Variants in USP26 observed in about 807,000 individuals in gnomAD.
USP26 encodes ubiquitin carboxyl-terminal hydrolase 26.
For synonymous variants in USP26, 236 were observed against 240.6 expected (o/e 0.98, Z 0.18); for missense variants, 649 against 642.3 (o/e 1.01, Z -0.11).
intron 5 of USP26, among the ~76,000 whole-genome samples, chrX:133,044,741 C>T (rs2067432690): frequency 8.8e-6 from 1 of 113,282 alleles, no homozygotes; most frequent in African/African-American, 3.2e-5. Flanking sequence ...GTCCCATCGA[C>T]CACCCAAGGG....
intron 5 of USP26, among the ~76,000 whole-genome samples, chrX:133,056,477 T>C (rs1416253499): frequency 8.9e-6 from 1 of 111,765 alleles, no homozygotes; most frequent in African/African-American, 3.3e-5. Flanking sequence ...GGGATTTCTC[T>C]TTGTTAGAAG....
Position 133,028,199 on chromosome X carries a change from C to T in USP26, c.22G>A (p.Gly8Ser). The change falls in exon 6 of 6, where the codon GGT (glycine) becomes AGT (serine). Residue 8 changes from glycine to serine, a missense_variant. Physicochemically the swap from Gly to Ser is moderately conservative, Grantham distance 56. Coordinates refer to ENST00000511190, the MANE Select transcript of USP26 (RefSeq NM_031907.3). ...TTGCAGTTCCCTATTTGGACAAAAC[C>T]ACGTAGGAATAGGGCAGCCATGTTT... MAALFLR[G>S]FVQIGNCKTG... 1 of 1,209,067 alleles carries T rather than the reference C, an allele frequency of 8.3e-7. No homozygotes were observed. The highest frequency in any genetic ancestry group is 1.1e-6 in the Non-Finnish European group (1 of 893,341).
intron 5 of USP26, among the ~76,000 whole-genome samples, chrX:133,038,975 G>A (rs1384864295): frequency 9.0e-6 from 1 of 111,702 alleles, no homozygotes; most frequent in Non-Finnish European, 1.9e-5. Context: ...ATTCTCTGAT[G>A]GTAGTTTGTA....
chrX:133,025,339 T>C lies in USP26; in HGVS notation c.*140A>G. The C allele has an allele frequency of 1.0e-6, 1 of 966,155 alleles. No homozygotes were observed. Among genetic ancestry groups the C allele is most frequent in the Non-Finnish European group, 1.4e-6 (1 of 708,077 alleles). The allele number at this position is 966,155 out of a possible 1,213,427, so 79.6% of individuals were successfully genotyped here. Reference sequence around the variant, plus strand: ...CAGGATTAGAATGCAGATCTCCCCATTAAGTGTTTCTGTTTGACCTTTGGT... The same window carrying C: ...CAGGATTAGAATGCAGATCTCCCCACTAAGTGTTTCTGTTTGACCTTTGGT... On this transcript the variant is annotated 3_prime_UTR_variant, in exon 6 of 6. Coordinates refer to ENST00000511190, the MANE Select transcript of USP26 (RefSeq NM_031907.3).
intron 5 of USP26, among the ~76,000 whole-genome samples, chrX:133,048,460 G>A (rs2067447542): frequency 9.2e-6 from 1 of 108,715 alleles, no homozygotes; most frequent in African/African-American, 3.4e-5. Flanking sequence ...TCATGCCTTT[G>A]ACTGAACACA....
At chrX:133,050,188 C>T (rs772030018) in intron 5 of USP26, among the ~76,000 whole-genome samples, 7 of 111,765 alleles carry the variant, frequency 6.3e-5, no homozygotes, top group Non-Finnish European at 1.1e-4. Flanking sequence ...TAGGTGATAA[C>T]GGCCTTTCTG....
chrX:133,040,022 T>A (rs1435807899), intron 5 of USP26, among the ~76,000 whole-genome samples: 1 of 111,644 alleles, frequency 9.0e-6, no homozygotes, highest in Admixed American at 9.5e-5. Context: ...ACTCCTGCTT[T>A]TTTTTGCTTT....
chrX:133,068,886 T>C (rs920404237), intron 5 of USP26, among the ~76,000 whole-genome samples: 30 of 112,441 alleles, frequency 2.7e-4, no homozygotes, highest in African/African-American at 9.7e-4. Flanking sequence ...GGCGGTTATT[T>C]TGGAGGTGTT....
In USP26 at chrX:133,039,578, T is replaced by C. The variant is rs999898044; in HGVS notation, c.-76-11282A>G. ...TGCACTTGCTGAGGAGTGTTTTACT[T>C]CCAATTATGTGGTCAAATTTAGAAT... On this transcript the variant is annotated intron_variant, in intron 5 of 5. Transcript: ENST00000511190. Among the ~76,000 whole-genome samples, 27 of 111,898 alleles carry C rather than the reference T, an allele frequency of 2.4e-4. No homozygotes were observed. The Admixed American group carries it at 2.5e-3, about 10-fold the overall frequency.
At chrX:133,077,185 A>G (rs184546527) in intron 5 of USP26, among the ~76,000 whole-genome samples, 16 of 112,116 alleles carry the variant, frequency 1.4e-4, no homozygotes, top group African/African-American at 4.9e-4. Flanking sequence ...CAACAGTGTC[A>G]GAACCATTAG....
At chrX:133,069,453 G>A (rs890211303) in intron 5 of USP26, among the ~76,000 whole-genome samples, 1 of 110,935 alleles carries the variant, frequency 9.0e-6, no homozygotes, top group Non-Finnish European at 1.9e-5. Context: ...GAATGGAGGT[G>A]GTGGGGAGTG....
intron 5 of USP26, among the ~76,000 whole-genome samples, chrX:133,068,604 A>T (rs2067520343): frequency 8.9e-6 from 1 of 112,319 alleles, no homozygotes; most frequent in Non-Finnish European, 1.9e-5. Context: ...TTTTTCATTT[A>T]CCCATTGCCT....
chrX:133,044,238 C>T (rs1241893276), intron 5 of USP26, among the ~76,000 whole-genome samples: 1 of 113,446 alleles, frequency 8.8e-6, no homozygotes, highest in African/African-American at 3.2e-5. Flanking sequence ...CCCTCGCTCA[C>T]TCTTGGCGCC....
At chrX:133,048,639 C>T (rs1056018587) in intron 5 of USP26, among the ~76,000 whole-genome samples, 7 of 110,309 alleles carry the variant, frequency 6.3e-5, no homozygotes, top group African/African-American at 2.3e-4. Context: ...CTCCGCCTCC[C>T]GGGTTCACTC....
At chrX:133,084,549 T>C (rs756785351) in intron 4 of USP26, among the ~76,000 whole-genome samples, 2 of 96,390 alleles carry the variant, frequency 2.1e-5, no homozygotes, top group East Asian at 6.5e-4. Flanking sequence ...AACCTCACCC[T>C]GTCGCCCAGG....
At position 133,025,722 on chromosome X, in the gene USP26, A is replaced by T; in HGVS notation, c.2499T>A (p.Leu833=). The change falls in exon 6 of 6, where the codon CTT becomes CTA. Residue 833 remains leucine (L), a synonymous_variant. Coordinates refer to ENST00000511190, the MANE Select transcript of USP26 (RefSeq NM_031907.3). ...TYRLISVVSH[L]GKTLKSGHYI... is the part of the protein sequence containing the mutation. ...AATGGCCTGACTTTAGAGTCTTCCCAAGATGGCTGACAACACTAATGAGCC... is the reference window on the plus strand; with the variant it reads ...AATGGCCTGACTTTAGAGTCTTCCCTAGATGGCTGACAACACTAATGAGCC... 2 of 1,211,583 alleles carry T rather than the reference A, an allele frequency of 1.7e-6. No homozygotes were observed. The highest frequency in any genetic ancestry group is 2.2e-6 in the Non-Finnish European group (2 of 895,291).
chrX:133,027,669 G>C lies in USP26; in HGVS notation c.552C>G (p.Leu184=), dbSNP rs377336557. 5 of 1,205,729 alleles carry C rather than the reference G, an allele frequency of 4.1e-6. No homozygotes were observed. The African/African-American group carries it at 8.7e-5, about 21-fold the overall frequency. The change falls in exon 6 of 6, where the codon CTC becomes CTG. Residue 184 remains leucine, a synonymous_variant. Coordinates refer to ENST00000511190, the MANE Select transcript of USP26 (RefSeq NM_031907.3). ...CCTCATTCATCTCTGAGCTAGATGA[G>C]AGCATTCTTTTCCTCTTCTTGTGCT... ...ENQHKKRKRM[L]SSSSEMNEEF... is the part of the protein sequence containing the mutation.
intron 5 of USP26, among the ~76,000 whole-genome samples, chrX:133,049,011 C>G (rs745306269): frequency 7.1e-5 from 8 of 111,958 alleles, no homozygotes; most frequent in African/African-American, 2.3e-4. Context: ...GCAGGTTGAT[C>G]AATAATACAT....
intron 5 of USP26, among the ~76,000 whole-genome samples, chrX:133,032,163 A>G (rs2067379438): frequency 1.8e-5 from 2 of 110,185 alleles, no homozygotes; most frequent in African/African-American, 6.7e-5. Context: ...AAGCAAAAGA[A>G]AAAAACCCAA....
Sources: allele counts gnomAD v4.1 joint callset (sites outside exome capture counted in the v4.1 genomes callset), GRCh38; gene constraint gnomAD v4.1.1; transcripts MANE v1.5; gene names NCBI Gene and HGNC (gene_info 2026-07-23, HGNC 2026-07-21).